Variants in COX10 observed in about 807,000 individuals in gnomAD.
COX10 encodes cytochrome c oxidase assembly factor heme A:farnesyltransferase COX10, also known as protoheme IX farnesyltransferase, mitochondrial.
In COX10, 27 loss-of-function variants were observed where a neutral mutation model predicts 37.3. That is an observed-to-expected ratio of 0.72 (90% confidence interval 0.53 to 1.00). The LOEUF is 1.00. Ranked by LOEUF, COX10 falls within the 50% of genes least tolerant of loss-of-function variation. The probability of loss-of-function intolerance (pLI) is 0.00; values close to 1 mark genes in which losing one functional copy is unlikely to be tolerated. For synonymous variants in COX10, 222 were observed against 229.1 expected, an observed-to-expected ratio of 0.97 and a Z score of 0.28; for missense variants, 475 against 563.2, an observed-to-expected ratio of 0.84 and a Z score of 1.59.
At chr17:14,108,265 G>C (rs1703592834) in intron 4 of COX10, among the ~76,000 whole-genome samples, 3 of 152,166 alleles carry the variant, frequency 2.0e-5, no homozygotes, top group African/African-American at 4.8e-5. Flanking sequence ...ATATGCCAAA[G>C]AATGTTCTAA....
chr17:14,110,023 G>A (rs1423247785), intron 4 of COX10, among the ~76,000 whole-genome samples: 1 of 152,028 alleles, frequency 6.6e-6, no homozygotes, highest in Non-Finnish European at 1.5e-5. Context: ...GAACTATTTT[G>A]GAAGATGAAA....
rs371191728 is a variant in COX10, at chr17:14,087,725, G to T, written c.499+10669G>T. Among the ~76,000 whole-genome samples the T allele has an allele frequency of 5.2e-4, 79 of 151,596 alleles. No individual in the cohort carries two copies. The South Asian group carries it at 0.011, about 21-fold the overall frequency. Reference sequence around the variant, plus strand: ...TTAAACCATGTCTCTGAAACCGCAGGGCCAATGTCCTGTTTCCCAAATCTG... The same window carrying T: ...TTAAACCATGTCTCTGAAACCGCAGTGCCAATGTCCTGTTTCCCAAATCTG... On this transcript the variant is annotated intron_variant, in intron 3 of 6. Transcript: ENST00000261643.
chr17:14,077,037 A>C lies in COX10; in HGVS notation c.480A>C (p.Leu160=). The C allele has an allele frequency of 6.2e-7, 1 of 1,614,120 alleles. No individual in the cohort carries two copies. Among genetic ancestry groups the C allele is most frequent in the Non-Finnish European group, 8.5e-7 (1 of 1,179,992 alleles). The change falls in exon 3 of 7, where the codon CTA becomes CTC. Residue 160 remains leucine, a synonymous_variant. Transcript: ENST00000261643. ...VYDLPGILAR[L]SKIKLTALVV... ...ATTTGCCAGGAATTTTGGCTCGACT[A>C]TCCAAAATCAAACTCACAGGTACTT...
chr17:14,190,833 A>G (rs1363167713), intron 5 of COX10, among the ~76,000 whole-genome samples: 2 of 152,090 alleles, frequency 1.3e-5, no homozygotes, highest in Admixed American at 1.3e-4. Flanking sequence ...CTCTCCTGCC[A>G]TAGGAACACT....
intron 6 of COX10, 21 bp from the exon 7 acceptor site, chr17:14,206,789 C>G: frequency 6.2e-7 from 1 of 1,612,844 alleles, no homozygotes; most frequent in Non-Finnish European, 8.5e-7. Context: ...GTCTCCCTCT[C>G]CTTCCCTGAC....
chr17:14,163,236 A>AATTTATGT (rs1555538785), intron 5 of COX10, among the ~76,000 whole-genome samples: 1 of 146,462 alleles, frequency 6.8e-6, no homozygotes, highest in Non-Finnish European at 1.5e-5. Context: ...AAGACAGGAA[A>AATTTATGT]ATTTATTTAT....
intron 4 of COX10, among the ~76,000 whole-genome samples, chr17:14,146,761 A>G (rs1217517052): frequency 6.6e-6 from 1 of 152,202 alleles, no homozygotes; most frequent in African/African-American, 2.4e-5. Flanking sequence ...ATTAATAACC[A>G]GAATGTATAG....
intron 6 of COX10, among the ~76,000 whole-genome samples, chr17:14,194,144 G>C (rs1324770951): frequency 6.6e-6 from 1 of 152,048 alleles, no homozygotes; most frequent in African/African-American, 2.4e-5. Flanking sequence ...CAGGAGACTG[G>C]TATGGGCAGT....
intron 3 of COX10, among the ~76,000 whole-genome samples, chr17:14,093,447 A>C (rs968670079): frequency 6.6e-6 from 1 of 152,186 alleles, no homozygotes; most frequent in African/African-American, 2.4e-5. Flanking sequence ...AAAAAAAAAC[A>C]AATTCTTGAT....
intron 4 of COX10, among the ~76,000 whole-genome samples, chr17:14,144,410 G>A (rs371930114): frequency 3.3e-5 from 5 of 151,900 alleles, no homozygotes; most frequent in East Asian, 1.9e-4. Flanking sequence ...AATTGTGAGG[G>A]GATCTGCAAG....
intron 5 of COX10, among the ~76,000 whole-genome samples, chr17:14,176,333 G>T (rs1476943016): frequency 6.6e-6 from 1 of 152,164 alleles, no homozygotes; most frequent in Non-Finnish European, 1.5e-5. Flanking sequence ...AGAAGGTGCA[G>T]CTCCCCTGTT....
chr17:14,124,451 G>A (rs376495890), intron 4 of COX10, among the ~76,000 whole-genome samples: 3 of 152,244 alleles, frequency 2.0e-5, no homozygotes, highest in African/African-American at 7.2e-5. Context: ...GGACAACTCA[G>A]AGTAGGTTAT....
intron 4 of COX10, among the ~76,000 whole-genome samples, chr17:14,124,898 G>A (rs1916301950): frequency 6.6e-6 from 1 of 152,144 alleles, no homozygotes; most frequent in African/African-American, 2.4e-5. Context: ...TGAGACAAAT[G>A]TGCTCCAATT....
chr17:14,174,888 C>T (rs1021154119), intron 5 of COX10, among the ~76,000 whole-genome samples: 1 of 150,718 alleles, frequency 6.6e-6, no homozygotes, highest in African/African-American at 2.4e-5. Context: ...AAACAAAATA[C>T]GGCTGAAATA....
At chr17:14,142,135 C>T (rs1009233795) in intron 4 of COX10, among the ~76,000 whole-genome samples, 1 of 152,108 alleles carries the variant, frequency 6.6e-6, no homozygotes, top group African/African-American at 2.4e-5. Context: ...CTCCCACTAG[C>T]CAGAAACTAG....
At chr17:14,169,322 C>T (rs1905386940) in intron 5 of COX10, among the ~76,000 whole-genome samples, 1 of 152,192 alleles carries the variant, frequency 6.6e-6, no homozygotes, top group Non-Finnish European at 1.5e-5. Context: ...TCACTATGAG[C>T]ATTTTGGTTA....
At chr17:14,131,546 C>T (rs1199639442) in intron 4 of COX10, among the ~76,000 whole-genome samples, 2 of 151,828 alleles carry the variant, frequency 1.3e-5, no homozygotes, top group African/African-American at 4.8e-5. Flanking sequence ...TTTTAGATAA[C>T]TGAATATGAC....
At chr17:14,079,013 C>G (rs1351360288) in intron 3 of COX10, among the ~76,000 whole-genome samples, 1 of 152,092 alleles carries the variant, frequency 6.6e-6, no homozygotes, top group African/African-American at 2.4e-5. Context: ...CCCCAGTCTC[C>G]CTTTTCAAAA....
chr17:14,121,358 C>T (rs568706677), intron 4 of COX10, among the ~76,000 whole-genome samples: 1 of 152,270 alleles, frequency 6.6e-6, no homozygotes, highest in South Asian at 2.1e-4. Flanking sequence ...CTGAGGGATG[C>T]GTATCTTAAT....
Sources: gnomAD v4.1 joint callset for allele counts (sites outside exome capture counted in the v4.1 genomes callset) on GRCh38, gnomAD v4.1.1 for gene constraint, MANE v1.5 for transcripts, NCBI Gene and HGNC (gene_info 2026-07-23, HGNC 2026-07-21) for gene names.